The following SV2B variants were observed in gnomAD, a reference collection of about 807,000 sequenced individuals.
The protein encoded by SV2B is synaptic vesicle glycoprotein 2B, also known as solute carrier family 22 member B2.
SV2B carries 41 observed loss-of-function variants against 73.9 expected under a neutral mutation model. That is an observed-to-expected ratio of 0.56 (90% CI 0.43 to 0.72). SV2B has a LOEUF of 0.72. SV2B is among the 30% of genes least tolerant of loss of function. SV2B has a pLI of 0.00. For missense variants in SV2B, 764 were observed against 857.8 expected, an observed-to-expected ratio of 0.89 and a Z score of 1.37; for synonymous variants, 314 against 314.2, an observed-to-expected ratio of 1.00 and a Z score of 0.01.
intron 9 of SV2B, among the ~76,000 whole-genome samples, chr15:91,272,493 A>C (rs2048346919): frequency 6.6e-6 from 1 of 152,040 alleles, no homozygotes; most frequent in African/African-American, 2.4e-5. Flanking sequence ...CCCAGGAAGT[A>C]ATGTCTTACT....
chr15:91,109,682 A>G (rs893521895), intron 1 of SV2B, among the ~76,000 whole-genome samples: 5 of 152,184 alleles, frequency 3.3e-5, no homozygotes, highest in Non-Finnish European at 5.9e-5. Flanking sequence ...CAGAGCTCGA[A>G]GGGACCCTAG....
chr15:91,155,866 G>C lies in SV2B; in HGVS notation c.-392+55503G>C, dbSNP rs934704081. Among the ~76,000 whole-genome samples, 3 of 152,210 alleles carry C rather than the reference G, an allele frequency of 2.0e-5. No homozygotes were observed. The East Asian group carries it at 5.8e-4, about 29-fold the overall frequency. On this transcript the variant is annotated intron_variant, in intron 1 of 12. Coordinates refer to ENST00000394232, the MANE Select transcript of SV2B (RefSeq NM_001323032.3). ...TAAGGTAGATAGTTGTCTGGACTCA[G>C]TGGAACCTCATGCATTTTAAGAGTC... is the stretch of plus-strand genomic sequence containing the variant.
chr15:91,137,837 A>G lies in SV2B; in HGVS notation c.-392+37474A>G, dbSNP rs2042889297. On this transcript the variant is annotated intron_variant, in intron 1 of 12. Transcript: ENST00000394232. This position sits in a 1 kb window ranked among gnomAD's most constrained non-coding sequence, Gnocchi z 4.9. ...TTGGAAGATACTAGGAAACCAACTT[A>G]TTATTTTGAAAACTGGTAAATAAGA... Among the ~76,000 whole-genome samples, 1 of 151,970 alleles carries G rather than the reference A, an allele frequency of 6.6e-6. No individual in the cohort carries two copies.
In SV2B at chr15:91,110,805, A is replaced by G. The variant is rs2520605; in HGVS notation, c.-392+10442A>G. On this transcript the variant is annotated intron_variant, in intron 1 of 12. Transcript: ENST00000394232. The surrounding 1 kb of genome is among the most constrained non-coding windows in gnomAD (Gnocchi z 5.4). ...GTGACGAACACATCCCACACATGCC[A>G]GTGTAAGGGTCTGTGAATTAAATGC... is the stretch of plus-strand genomic sequence containing the variant. Among the ~76,000 whole-genome samples the G allele has an allele frequency of 0.62, 94,123 of 152,058 alleles. 30,005 individuals carry two copies. The highest frequency in any genetic ancestry group is 0.69 in the African/African-American group (28,554 of 41,486).
intron 1 of SV2B, among the ~76,000 whole-genome samples, chr15:91,219,449 A>G (rs1200360030): frequency 6.6e-6 from 1 of 152,126 alleles, no homozygotes; most frequent in Non-Finnish European, 1.5e-5. Flanking sequence ...GACATGACAA[A>G]ATCCTGGGAT....
rs1369133816 is a variant in SV2B, at chr15:91,302,145, A to G, written c.*9593A>G. On this transcript the variant is annotated 3_prime_UTR_variant, in exon 13 of 13. Coordinates refer to ENST00000394232, the MANE Select transcript of SV2B (RefSeq NM_001323032.3). The stretch of plus-strand genomic sequence containing the variant: ...ATTTTCCCTATGCATTGTGACTAAC[A>G]CAGTATTTGATACGTAGTAGGTCTC... Among the ~76,000 whole-genome samples the G allele has an allele frequency of 6.6e-6, 1 of 152,242 alleles. No individual in the cohort carries two copies. Among genetic ancestry groups the G allele is most frequent in the Non-Finnish European group, 1.5e-5 (1 of 68,050 alleles).
Position 91,139,278 on chromosome 15 carries a change from G to A in SV2B, c.-392+38915G>A, listed in dbSNP as rs551467383. On this transcript the variant is annotated intron_variant, in intron 1 of 12. Coordinates refer to ENST00000394232, the MANE Select transcript of SV2B (RefSeq NM_001323032.3). The surrounding 1 kb of genome is among the most constrained non-coding windows in gnomAD (Gnocchi z 5.2). The stretch of plus-strand genomic sequence containing the variant: ...GATAATTGTTCGAGTTAGCTGGTGG[G>A]TACATGGTAGTTCATTAAATTATTC... Among the ~76,000 whole-genome samples, 11 of 152,128 alleles carry A rather than the reference G, an allele frequency of 7.2e-5. No homozygotes were observed. In the East Asian group the frequency reaches 2.1e-3, roughly 29 times the overall value.
In SV2B at chr15:91,252,261, G is replaced by C; in HGVS notation, c.633-108G>C. ...ACTGGCCGGTCTCTCAAATTCACTG[G>C]GTCCTTTCACCACAGAGCCTAAGGT... On this transcript the variant is annotated intron_variant, in intron 3 of 12. Transcript: ENST00000394232. This position sits in a 1 kb window ranked among gnomAD's most constrained non-coding sequence, Gnocchi z 4.6. 7.0e-7 allele frequency: 1 copy of C among 1,425,456 alleles called. No homozygotes were observed. Among genetic ancestry groups the C allele is most frequent in the Non-Finnish European group, 9.5e-7 (1 of 1,056,766 alleles). 88.3% of individuals were successfully genotyped at this position (1,425,456 alleles called of 1,614,324 possible).
rs544650355 is a variant in SV2B, at chr15:91,129,683, G to C, written c.-392+29320G>C. Among the ~76,000 whole-genome samples, 16 of 152,318 alleles carry C rather than the reference G, an allele frequency of 1.1e-4. No homozygotes were observed. Among genetic ancestry groups the C allele is most frequent in the Admixed American group, 6.5e-4 (10 of 15,306 alleles). On this transcript the variant is annotated intron_variant, in intron 1 of 12. Coordinates refer to ENST00000394232, the MANE Select transcript of SV2B (RefSeq NM_001323032.3). This position sits in a 1 kb window ranked among gnomAD's most constrained non-coding sequence, Gnocchi z 5.1. ...GAGGGAGCCAGCGGAGGCTTCTTTG[G>C]AGGCGATCTGTTTGATGTGATACGG...
Position 91,110,146 on chromosome 15 carries a change from C to G in SV2B, c.-392+9783C>G, listed in dbSNP as rs541972527. Among the ~76,000 whole-genome samples, 6 of 152,268 alleles carry G rather than the reference C, an allele frequency of 3.9e-5. No homozygotes were observed. In the South Asian group the frequency reaches 1.2e-3, roughly 32 times the overall value. On this transcript the variant is annotated intron_variant, in intron 1 of 12. Transcript: ENST00000394232. This position sits in a 1 kb window ranked among gnomAD's most constrained non-coding sequence, Gnocchi z 5.4. ...CCATTAACGTGTTCTGTTCCTTCTT[C>G]TTAGCAGTGTTCATTTGCATGTTTC...
chr15:91,246,472 C>T (rs1174812735), intron 2 of SV2B, among the ~76,000 whole-genome samples: 1 of 152,078 alleles, frequency 6.6e-6, no homozygotes, highest in Admixed American at 6.6e-5. Flanking sequence ...AGATGGGCAC[C>T]GAATTTTACA....
At chr15:91,222,884 G>GT (rs2046262539) in intron 1 of SV2B, among the ~76,000 whole-genome samples, 1 of 152,188 alleles carries the variant, frequency 6.6e-6, no homozygotes, top group Non-Finnish European at 1.5e-5. Flanking sequence ...ACTTGTGGTT[G>GT]TTTTATCATA....
rs200016125 is a variant in SV2B at position 91,125,781 on chromosome 15, C to CAA, written c.-392+25436_-392+25437dup. Among the ~76,000 whole-genome samples the CAA allele has an allele frequency of 6.7e-4, 38 of 57,076 alleles. 3 individuals carry two copies. Among genetic ancestry groups the CAA allele is most frequent in the African/African-American group, 1.7e-3 (27 of 15,648 alleles). 37.4% of individuals were successfully genotyped at this position (57,076 alleles called of 152,430 possible). On this transcript the variant is annotated intron_variant, in intron 1 of 12. Transcript: ENST00000394232. Reference sequence around the variant, plus strand: ...CAAAGTGAGACCCTGTCTCAAGGGGCAAAAAAAAAAAAAAAAAAATTCAGT... The same window carrying CAA: ...CAAAGTGAGACCCTGTCTCAAGGGGCAAAAAAAAAAAAAAAAAAAAATTCAGT...
chr15:91,155,758 A>T (rs753974085), intron 1 of SV2B, among the ~76,000 whole-genome samples: 8 of 152,188 alleles, frequency 5.3e-5, no homozygotes, highest in Non-Finnish European at 1.0e-4. Context: ...GGAAGCTTAA[A>T]ATAATCTGAG....
chr15:91,215,391 C>T (rs757583273), intron 1 of SV2B, among the ~76,000 whole-genome samples: 2 of 152,130 alleles, frequency 1.3e-5, no homozygotes, highest in Non-Finnish European at 2.9e-5. Flanking sequence ...GGGAGCCAGG[C>T]GTCTGCATTT....
At chr15:91,143,162 TG>T (rs749257735) in intron 1 of SV2B, among the ~76,000 whole-genome samples, 89 of 152,272 alleles carry the variant, frequency 5.8e-4, no homozygotes, top group Middle Eastern at 6.8e-3. Context: ...GAGGACGGCT[TG>T]GTTGGGGTGT....
Position 91,122,069 on chromosome 15 carries a change from C to T in SV2B, c.-392+21706C>T, listed in dbSNP as rs532497870. 2.6e-5 allele frequency among the ~76,000 whole-genome samples: 4 copies of T among 152,262 alleles called. No individual in the cohort carries two copies. Among genetic ancestry groups the T allele is most frequent in the East Asian group, 1.9e-4 (1 of 5,160 alleles). On this transcript the variant is annotated intron_variant, in intron 1 of 12. Coordinates refer to ENST00000394232, the MANE Select transcript of SV2B (RefSeq NM_001323032.3). The surrounding 1 kb of genome is among the most constrained non-coding windows in gnomAD (Gnocchi z 4.3). ...GATTACAGGCGTGAGCCACTGCGCC[C>T]GGCCCAATGGTGTTTTAAAAGTAAT...
chr15:91,237,685 C>T (rs917273585), intron 2 of SV2B, among the ~76,000 whole-genome samples: 14 of 152,128 alleles, frequency 9.2e-5, no homozygotes, highest in Non-Finnish European at 1.8e-4. Context: ...TTGCTTAAGA[C>T]AAAGACTGTG....
At chr15:91,243,837 C>A (rs1241940473) in intron 2 of SV2B, among the ~76,000 whole-genome samples, 1 of 152,096 alleles carries the variant, frequency 6.6e-6, no homozygotes, top group East Asian at 1.9e-4. Flanking sequence ...GCCTGTAGAC[C>A]CTCACCTCTG....
Sources: gnomAD v4.1 joint callset for allele counts (sites outside exome capture counted in the v4.1 genomes callset) on GRCh38, gnomAD v4.1.1 for gene constraint, Gnocchi (gnomAD v3.1) non-coding constraint, MANE v1.5 for transcripts, NCBI Gene and HGNC (gene_info 2026-07-23, HGNC 2026-07-21) for gene names.